The following FBXW4 variants were observed in gnomAD, a reference collection of about 807,000 sequenced individuals.
FBXW4 encodes F-box and WD repeat domain containing 4, also known as F-box/WD repeat-containing protein 4.
In FBXW4, 40 loss-of-function variants were observed where a neutral mutation model predicts 61.8. That is an observed-to-expected ratio of 0.65 (90% confidence interval 0.50 to 0.84). FBXW4 has a LOEUF of 0.84. Ranked by LOEUF, FBXW4 falls within the 40% of genes least tolerant of loss-of-function variation. The pLI is 0.00. For synonymous variants in FBXW4, 311 were observed against 313.8 expected, an observed-to-expected ratio of 0.99 and a Z score of 0.10; for missense variants, 672 against 753.8, an observed-to-expected ratio of 0.89 and a Z score of 1.27.
intron 5 of FBXW4, among the ~76,000 whole-genome samples, chr10:101,641,467 G>C (rs2064052568): frequency 6.6e-6 from 1 of 152,138 alleles, no homozygotes; most frequent in South Asian, 2.1e-4. Flanking sequence ...TCTCCACCCT[G>C]ACCTGGTACA....
chr10:101,682,419 G>GA (rs142732621), intron 1 of FBXW4, among the ~76,000 whole-genome samples: 40 of 147,514 alleles, frequency 2.7e-4, no homozygotes, highest in Middle Eastern at 3.5e-3. Flanking sequence ...AAATCTAAAT[G>GA]AAAAAAAAAA....
intron 1 of FBXW4, among the ~76,000 whole-genome samples, chr10:101,693,945 G>C (rs2064639092): frequency 6.6e-6 from 1 of 152,146 alleles, no homozygotes; most frequent in African/African-American, 2.4e-5. Context: ...GAGGATGAAA[G>C]ATGAAAGTCC....
chr10:101,681,690 C>G (rs1421563497), intron 1 of FBXW4, among the ~76,000 whole-genome samples: 1 of 147,776 alleles, frequency 6.8e-6, no homozygotes, highest in Non-Finnish European at 1.5e-5. Flanking sequence ...GCACTCCAGC[C>G]TGGGCGACAG....
chr10:101,688,887 G>A (rs2064559521), intron 1 of FBXW4, among the ~76,000 whole-genome samples: 1 of 151,962 alleles, frequency 6.6e-6, no homozygotes, highest in African/African-American at 2.4e-5. Flanking sequence ...TTTGGAGCCT[G>A]GTCTCAATAA....
chr10:101,661,674 G>A (rs1188488945), intron 5 of FBXW4, among the ~76,000 whole-genome samples: 3 of 152,092 alleles, frequency 2.0e-5, no homozygotes, highest in African/African-American at 7.2e-5. Flanking sequence ...CTCTCATCCA[G>A]GGCACCACAG....
intron 5 of FBXW4, among the ~76,000 whole-genome samples, chr10:101,629,876 G>A (rs940485552): frequency 5.3e-5 from 8 of 152,214 alleles, no homozygotes; most frequent in Non-Finnish European, 8.8e-5. Flanking sequence ...GACTCCACCT[G>A]GAAGAAGAAA....
intron 6 of FBXW4, among the ~76,000 whole-genome samples, chr10:101,624,080 A>G (rs2063888478): frequency 7.2e-6 from 1 of 139,652 alleles, no homozygotes; most frequent in Non-Finnish European, 1.6e-5. Context: ...AGACACACAT[A>G]GACACAGACA....
Position 101,611,258 on chromosome 10 carries a change from T to G in FBXW4, c.*33A>C, listed in dbSNP as rs992678196. 2 of 1,605,890 alleles carry G rather than the reference T, an allele frequency of 1.2e-6. No individual in the cohort carries two copies. Among genetic ancestry groups the G allele is most frequent in the Non-Finnish European group, 1.7e-6 (2 of 1,176,602 alleles). On this transcript the variant is annotated 3_prime_UTR_variant, in exon 9 of 9. Transcript: ENST00000331272. The surrounding 1 kb of genome is among the most constrained non-coding windows in gnomAD (Gnocchi z 4.9). Reference sequence around the variant, plus strand: ...AAGAGAAGTCCCTGAGTAGCTGGTTTCCCTGGCCCAGAGGCAGGGGTGGCC... The same window carrying G: ...AAGAGAAGTCCCTGAGTAGCTGGTTGCCCTGGCCCAGAGGCAGGGGTGGCC...
rs564769485 is a variant in FBXW4 at position 101,612,531 on chromosome 10, G to A, written c.1302-54C>T. ...TGCTCCACGTGGGTCATACACATTC[G>A]TTCCACCTTCAGAAGGCATCAGACC... On this transcript the variant is annotated intron_variant, in intron 6 of 8. Coordinates refer to ENST00000331272, the MANE Select transcript of FBXW4 (RefSeq NM_022039.4). The A allele has an allele frequency of 3.2e-5, 46 of 1,442,282 alleles. No individual in the cohort carries two copies. The East Asian group carries it at 7.1e-4, about 22-fold the overall frequency. 89.3% of individuals were successfully genotyped at this position (1,442,282 alleles called of 1,614,324 possible).
intron 5 of FBXW4, among the ~76,000 whole-genome samples, chr10:101,649,369 C>A (rs1291335211): frequency 6.6e-6 from 1 of 152,144 alleles, no homozygotes; most frequent in African/African-American, 2.4e-5. Context: ...CATGCCCCAC[C>A]CACCATTATC....
At chr10:101,679,838 GA>G (rs2064453513) in intron 1 of FBXW4, among the ~76,000 whole-genome samples, 1 of 152,092 alleles carries the variant, frequency 6.6e-6, no homozygotes, top group Non-Finnish European at 1.5e-5. Context: ...CCAGTCACCT[GA>G]ATAGCGTACA....
chr10:101,658,539 C>T (rs1008813273), intron 5 of FBXW4, among the ~76,000 whole-genome samples: 12 of 152,034 alleles, frequency 7.9e-5, no homozygotes, highest in African/African-American at 2.7e-4. Context: ...TGCAAGACTT[C>T]GTCTGGGTGG....
At position 101,673,499 on chromosome 10, in the gene FBXW4, A is replaced by G. The variant is rs759367323; in HGVS notation, c.996T>C (p.Val332=). 16 of 1,613,976 alleles carry G rather than the reference A, an allele frequency of 9.9e-6. No homozygotes were observed. The South Asian group carries it at 1.8e-4, about 18-fold the overall frequency. Residue 332 remains valine (V), a synonymous_variant, in exon 3 of 9, where the codon GTT becomes GTC. Transcript: ENST00000331272. Reference sequence around the variant, plus strand: ...CCTATAGCACTTACCCTCCTGCACTAACAATATGCGAGTTGGCCAGCACAA... The same window carrying G: ...CCTATAGCACTTACCCTCCTGCACTGACAATATGCGAGTTGGCCAGCACAA... ...CHFVLANSHI[V]SAGGDGKIGI... is the part of the protein sequence containing the mutation.
rs534810926 is a variant in FBXW4 at position 101,680,235 on chromosome 10, C to A, written c.726-3799G>T. Among the ~76,000 whole-genome samples the A allele has an allele frequency of 2.1e-3, 320 of 152,068 alleles. 1 individual carries two copies. Among genetic ancestry groups the A allele is most frequent in the Non-Finnish European group, 3.8e-3 (258 of 67,956 alleles). On this transcript the variant is annotated intron_variant, in intron 1 of 8. Coordinates refer to ENST00000331272, the MANE Select transcript of FBXW4 (RefSeq NM_022039.4). ...TATGAGGGTGAATTTAAAAGTTTAA[C>A]TAGAAGAAAACAAAATATATACATA...
rs1449874160 is a variant in FBXW4 at position 101,628,086 on chromosome 10, C to T, written c.1236-3276G>A. On this transcript the variant is annotated intron_variant, in intron 5 of 8. Transcript: ENST00000331272. ...GCGTGTCAAAGGCTCTCAATAAATA[C>T]TTGGAGATCAATGAAATGAAAACGT... is the stretch of plus-strand genomic sequence containing the variant. 6 of 486,458 alleles carry T rather than the reference C, an allele frequency of 1.2e-5. 1 individual carries two copies. In the African/African-American group the frequency reaches 1.3e-4, roughly 10 times the overall value. 30.1% of individuals were successfully genotyped at this position (486,458 alleles called of 1,614,324 possible). A position where few individuals can be genotyped will look rare whatever the true frequency, so the allele number is the denominator to read the frequency against.
chr10:101,667,712 G>T, intron 5 of FBXW4, among the ~76,000 whole-genome samples, 174 bp downstream of exon 5: 1 of 152,142 alleles, frequency 6.6e-6, no homozygotes, highest in Non-Finnish European at 1.5e-5. Flanking sequence ...TCAATCCCAC[G>T]CATATATGAA....
At chr10:101,690,355 A>T (rs1269278691) in intron 1 of FBXW4, among the ~76,000 whole-genome samples, 1 of 152,102 alleles carries the variant, frequency 6.6e-6, no homozygotes, top group African/African-American at 2.4e-5. Flanking sequence ...CATTTCTTTG[A>T]TTTTTATTGT....
chr10:101,681,315 C>G (rs1220306144), intron 1 of FBXW4, among the ~76,000 whole-genome samples: 1 of 150,378 alleles, frequency 6.6e-6, no homozygotes, highest in Admixed American at 6.6e-5. Context: ...TTGAACCTGA[C>G]AGGTGGAGGT....
chr10:101,654,263 G>C lies in FBXW4; in HGVS notation c.1235+13623C>G, dbSNP rs543683076. Among the ~76,000 whole-genome samples, 46 of 152,090 alleles carry C rather than the reference G, an allele frequency of 3.0e-4. 1 individual carries two copies. In the South Asian group the frequency reaches 9.5e-3, roughly 32 times the overall value. On this transcript the variant is annotated intron_variant, in intron 5 of 8. Transcript: ENST00000331272. Reference sequence around the variant, plus strand: ...AAGCAAATGTAAGGGAAGATCTTCTGAAAGTGTTAGAAATGTTCTCAAATG... The same window carrying C: ...AAGCAAATGTAAGGGAAGATCTTCTCAAAGTGTTAGAAATGTTCTCAAATG...
Sources: gnomAD v4.1 joint callset for allele counts (sites outside exome capture counted in the v4.1 genomes callset) on GRCh38, gnomAD v4.1.1 for gene constraint, Gnocchi (gnomAD v3.1) non-coding constraint, MANE v1.5 for transcripts, NCBI Gene and HGNC (gene_info 2026-07-23, HGNC 2026-07-21) for gene names.